The following MTA3 variants were observed in gnomAD, a reference collection of about 807,000 sequenced individuals.
The protein encoded by MTA3 is metastasis-associated protein MTA3.
MTA3 carries 34 observed loss-of-function variants against 83.5 expected under a neutral mutation model. That is an observed-to-expected ratio of 0.41 (90% CI 0.31 to 0.54). The LOEUF is 0.54. Among genes scored for constraint, MTA3 ranks in the 20% least tolerant of loss-of-function variants. MTA3 has a pLI of 0.33. For synonymous variants in MTA3, 303 were observed against 252.7 expected (o/e 1.20, Z -1.89); for missense variants, 761 against 726.4 (o/e 1.05, Z -0.55).
intron 15 of MTA3, among the ~76,000 whole-genome samples, chr2:42,720,593 C>T (rs1334849949): frequency 1.3e-5 from 2 of 152,054 alleles, no homozygotes; most frequent in Admixed American, 6.6e-5. Flanking sequence ...TTGAAGAGTG[C>T]GGTCTGTATT....
intron 2 of MTA3, among the ~76,000 whole-genome samples, chr2:42,498,933 G>A (rs1674270393): frequency 2.0e-5 from 3 of 152,058 alleles, no homozygotes; most frequent in South Asian, 4.1e-4. Flanking sequence ...TTATTAAGGG[G>A]CATCTATTTT....
At chr2:42,497,277 A>G (rs937129251) in intron 2 of MTA3, among the ~76,000 whole-genome samples, 1 of 151,436 alleles carries the variant, frequency 6.6e-6, no homozygotes, top group African/African-American at 2.4e-5. Flanking sequence ...AGATAATTAG[A>G]AATTGTCCAT....
At chr2:42,636,662 CT>C (rs1196192944) in intron 4 of MTA3, among the ~76,000 whole-genome samples, 1 of 148,440 alleles carries the variant, frequency 6.7e-6, no homozygotes, top group Non-Finnish European at 1.5e-5. Flanking sequence ...GGGTTTCGCC[CT>C]GTCACCAGGC....
At chr2:42,539,315 G>A (rs1676415659) in intron 2 of MTA3, among the ~76,000 whole-genome samples, 2 of 152,120 alleles carry the variant, frequency 1.3e-5, no homozygotes, top group Non-Finnish European at 2.9e-5. Context: ...GAAACTTACA[G>A]TCATGGAAGG....
chr2:42,641,837 A>G (rs1392707680), intron 5 of MTA3, among the ~76,000 whole-genome samples: 1 of 151,956 alleles, frequency 6.6e-6, no homozygotes, highest in Non-Finnish European at 1.5e-5. Flanking sequence ...CTATACCTCT[A>G]GTCTGGGTGA....
chr2:42,553,751 T>G (rs1677237888), intron 2 of MTA3, among the ~76,000 whole-genome samples: 2 of 149,246 alleles, frequency 1.3e-5, no homozygotes, highest in African/African-American at 4.9e-5. Flanking sequence ...AAAAAAAGAT[T>G]GACTCTAATT....
At chr2:42,647,090 G>A (rs1688268898) in intron 6 of MTA3, among the ~76,000 whole-genome samples, 1 of 139,956 alleles carries the variant, frequency 7.1e-6, no homozygotes, top group South Asian at 2.3e-4. Flanking sequence ...CCAGGAGGCG[G>A]AGGTTGCAGT....
intron 14 of MTA3, among the ~76,000 whole-genome samples, chr2:42,711,781 A>AGTGTGTGTGT (rs1328473255): frequency 2.7e-5 from 4 of 148,440 alleles, no homozygotes; most frequent in African/African-American, 1.0e-4. Context: ...GGAGAGAGAG[A>AGTGTGTGTGT]GAGTGTGTGT....
At chr2:42,546,328 A>G (rs1459226156) in intron 2 of MTA3, among the ~76,000 whole-genome samples, 2 of 152,152 alleles carry the variant, frequency 1.3e-5, no homozygotes, top group African/African-American at 4.8e-5. Flanking sequence ...CTGAGGAAGA[A>G]GCCTGTGTAG....
chr2:42,525,199 T>G (rs947966083), intron 2 of MTA3, among the ~76,000 whole-genome samples: 6 of 148,652 alleles, frequency 4.0e-5, no homozygotes, highest in African/African-American at 1.5e-4. Context: ...TTCTTCTTCT[T>G]TTTTTTTTTT....
upstream of MTA3, chr2:42,494,204 C>T (rs964334089): frequency 6.6e-6 from 1 of 152,312 alleles, no homozygotes; most frequent in African/African-American, 2.4e-5. Context: ...CCGTCCTCCC[C>T]CTCCGCTCCG....
Position 42,682,547 on chromosome 2 carries a change from G to A in MTA3, c.849G>A (p.Leu283=). Reference sequence around the variant, plus strand: ...AAGCTAGCTTATTTGAAGAGGCACTGGAAAAATATGGCAAAGACTTCAATG... The same window carrying A: ...AAGCTAGCTTATTTGAAGAGGCACTAGAAAAATATGGCAAAGACTTCAATG... ...ASEASLFEEA[L]EKYGKDFNDI... The change falls in exon 9 of 17, where the codon CTG becomes CTA. Residue 283 remains leucine (L), a synonymous_variant. Transcript: ENST00000405094. 1 of 1,612,542 alleles carries A rather than the reference G, an allele frequency of 6.2e-7. No homozygotes were observed. Among genetic ancestry groups the A allele is most frequent in the Non-Finnish European group, 8.5e-7 (1 of 1,179,308 alleles).
At chr2:42,664,896 T>C (rs1422097181) in intron 8 of MTA3, among the ~76,000 whole-genome samples, 1 of 152,150 alleles carries the variant, frequency 6.6e-6, no homozygotes, top group African/African-American at 2.4e-5. Flanking sequence ...AATAATGTAT[T>C]GGGAGCAGGT....
intron 2 of MTA3, among the ~76,000 whole-genome samples, chr2:42,500,705 G>C (rs1674356448): frequency 6.6e-6 from 1 of 151,510 alleles, no homozygotes; most frequent in Admixed American, 6.6e-5. Context: ...AAATTAACAA[G>C]AGAAACACAG....
chr2:42,688,970 T>A (rs1692641834), intron 9 of MTA3, among the ~76,000 whole-genome samples: 1 of 152,214 alleles, frequency 6.6e-6, no homozygotes, highest in Non-Finnish European at 1.5e-5. Context: ...ATTTGTTTTG[T>A]TTTTGTATGT....
At chr2:42,642,036 A>G (rs1687745108) in intron 5 of MTA3, among the ~76,000 whole-genome samples, 1 of 152,168 alleles carries the variant, frequency 6.6e-6, no homozygotes, top group Non-Finnish European at 1.5e-5. Context: ...AAAAATTTAA[A>G]AATAAAATAT....
At chr2:42,666,895 A>G (rs1412862691) in intron 8 of MTA3, among the ~76,000 whole-genome samples, 2 of 152,094 alleles carry the variant, frequency 1.3e-5, no homozygotes, top group Non-Finnish European at 2.9e-5. Context: ...ATTGCAATAT[A>G]TTGTTTTCTG....
intron 2 of MTA3, among the ~76,000 whole-genome samples, chr2:42,578,452 A>C (rs1419079051): frequency 3.9e-5 from 6 of 152,204 alleles, no homozygotes; most frequent in Non-Finnish European, 5.9e-5. Context: ...TTCATAACTC[A>C]AGGTTTTTAA....
chr2:42,641,821 G>A (rs961236037), intron 5 of MTA3, among the ~76,000 whole-genome samples: 5 of 151,886 alleles, frequency 3.3e-5, no homozygotes, highest in Admixed American at 6.6e-5. Context: ...AGCCGAGATC[G>A]CGCTACTATA....
Sources: allele counts gnomAD v4.1 joint callset (sites outside exome capture counted in the v4.1 genomes callset), GRCh38; gene constraint gnomAD v4.1.1; transcripts MANE v1.5; gene names NCBI Gene and HGNC (gene_info 2026-07-23, HGNC 2026-07-21).